The following ZNF804A variants were observed in gnomAD, a reference collection of about 807,000 sequenced individuals.
The protein encoded by ZNF804A is zinc finger protein 804A.
Under a neutral mutation model 16.5 loss-of-function variants are expected in ZNF804A, and 2 were observed. That is an observed-to-expected ratio of 0.12 (90% CI 0.05 to 0.38). The LOEUF (loss-of-function observed/expected upper bound fraction) is 0.38. ZNF804A is among the 10% of genes least tolerant of loss of function. The pLI is 0.99. For missense variants in ZNF804A, 1,473 were observed against 1,390.7 expected, an observed-to-expected ratio of 1.06 and a Z score of -0.94; for synonymous variants, 534 against 489.6, an observed-to-expected ratio of 1.09 and a Z score of -1.20.
chr2:184,784,225 C>T (rs1291305811), intron 1 of ZNF804A, among the ~76,000 whole-genome samples: 1 of 151,848 alleles, frequency 6.6e-6, no homozygotes, highest in African/African-American at 2.4e-5. Flanking sequence ...CAACTGATGG[C>T]TCTAAGATAA....
intron 1 of ZNF804A, among the ~76,000 whole-genome samples, chr2:184,628,882 C>T (rs987480449): frequency 1.3e-5 from 2 of 152,114 alleles, no homozygotes; most frequent in African/African-American, 4.8e-5. Context: ...GTTGGAGTTT[C>T]TGTGGTATTC....
At chr2:184,739,725 A>G (rs894755143) in intron 1 of ZNF804A, among the ~76,000 whole-genome samples, 3 of 152,132 alleles carry the variant, frequency 2.0e-5, no homozygotes, top group Admixed American at 6.6e-5. Flanking sequence ...AATGCAAAAT[A>G]CAGATATACA....
chr2:184,895,803 A>G (rs1685055730), intron 2 of ZNF804A, among the ~76,000 whole-genome samples: 2 of 152,224 alleles, frequency 1.3e-5, no homozygotes, highest in African/African-American at 4.8e-5. Flanking sequence ...CAGTAAATCT[A>G]AAATGTAGTC....
chr2:184,693,807 T>C (rs1414394646), intron 1 of ZNF804A, among the ~76,000 whole-genome samples: 1 of 152,022 alleles, frequency 6.6e-6, no homozygotes, highest in African/African-American at 2.4e-5. Flanking sequence ...CCATATAATG[T>C]CAGCTTGGCG....
intron 1 of ZNF804A, among the ~76,000 whole-genome samples, chr2:184,718,906 G>T (rs1383642742): frequency 6.6e-6 from 1 of 152,132 alleles, no homozygotes; most frequent in African/African-American, 2.4e-5. Context: ...CAAGCAGGCG[G>T]TGCCCCAGTG....
intron 1 of ZNF804A, among the ~76,000 whole-genome samples, chr2:184,752,314 T>C (rs1021839827): frequency 1.3e-5 from 2 of 151,600 alleles, no homozygotes; most frequent in East Asian, 1.9e-4. Flanking sequence ...AATAATAAAA[T>C]TATGTTCTTT....
chr2:184,842,512 A>ATT (rs879530358), intron 1 of ZNF804A, among the ~76,000 whole-genome samples: 1 of 148,748 alleles, frequency 6.7e-6, no homozygotes, highest in African/African-American at 2.5e-5. Flanking sequence ...TGGAGCTGGG[A>ATT]TTTTTTTTTT....
At chr2:184,667,505 G>T (rs1692271651) in intron 1 of ZNF804A, among the ~76,000 whole-genome samples, 1 of 151,754 alleles carries the variant, frequency 6.6e-6, no homozygotes, top group African/African-American at 2.4e-5. Context: ...GATCTACTAT[G>T]TCAAAGACAT....
At chr2:184,685,452 T>C (rs1446110608) in intron 1 of ZNF804A, among the ~76,000 whole-genome samples, 1 of 152,100 alleles carries the variant, frequency 6.6e-6, no homozygotes, top group African/African-American at 2.4e-5. Flanking sequence ...GTTACAGCTC[T>C]TTCAGTCCCC....
chr2:184,633,473 T>C (rs1183875395), intron 1 of ZNF804A, among the ~76,000 whole-genome samples: 1 of 152,190 alleles, frequency 6.6e-6, no homozygotes, highest in African/African-American at 2.4e-5. Flanking sequence ...TTAAATAAAC[T>C]GGACAAAGGA....
chr2:184,650,437 A>G (rs1691962498), intron 1 of ZNF804A, among the ~76,000 whole-genome samples: 1 of 152,154 alleles, frequency 6.6e-6, no homozygotes, highest in Admixed American at 6.6e-5. Flanking sequence ...CATATTCAGC[A>G]TGGTAGTGGA....
intron 1 of ZNF804A, among the ~76,000 whole-genome samples, chr2:184,684,181 G>T (rs1324499024): frequency 2.6e-5 from 4 of 152,304 alleles, no homozygotes; most frequent in East Asian, 1.9e-4. Context: ...TTGTGAGTTT[G>T]TACTGGATAC....
At chr2:184,886,954 A>T (rs1267090190) in intron 2 of ZNF804A, among the ~76,000 whole-genome samples, 1 of 152,214 alleles carries the variant, frequency 6.6e-6, no homozygotes, top group Non-Finnish European at 1.5e-5. Flanking sequence ...TTTGCTACTT[A>T]AACAAATTTC....
chr2:184,876,286 T>C (rs1362144408), intron 2 of ZNF804A, among the ~76,000 whole-genome samples: 5 of 152,188 alleles, frequency 3.3e-5, no homozygotes. Context: ...GTAATAGAAA[T>C]ATTCATTTGT....
intron 2 of ZNF804A, 26 bp from the exon 3 acceptor site, chr2:184,933,577 A>C (rs1281165486): frequency 6.4e-7 from 1 of 1,568,874 alleles, no homozygotes; most frequent in Admixed American, 2.2e-5. Flanking sequence ...AATACAATTA[A>C]TCATTTTCCA....
intron 1 of ZNF804A, among the ~76,000 whole-genome samples, chr2:184,747,442 G>T (rs1693807260): frequency 6.7e-6 from 1 of 149,604 alleles, no homozygotes; most frequent in Non-Finnish European, 1.5e-5. Flanking sequence ...AAACAAGTAT[G>T]ATTTTAATAT....
intron 3 of ZNF804A, among the ~76,000 whole-genome samples, chr2:184,934,756 A>T (rs946782771): frequency 6.6e-6 from 1 of 152,122 alleles, no homozygotes; most frequent in African/African-American, 2.4e-5. Context: ...AAAAAGCAAT[A>T]CTGTTTATTT....
chr2:184,906,820 AT>A (rs1685281779), intron 2 of ZNF804A, among the ~76,000 whole-genome samples: 1 of 152,206 alleles, frequency 6.6e-6, no homozygotes, highest in Admixed American at 6.5e-5. Flanking sequence ...CTCTTTAAAA[AT>A]GTGGAGTTTT....
At chr2:184,718,908 GC>G (rs902588864) in intron 1 of ZNF804A, among the ~76,000 whole-genome samples, 2 of 152,088 alleles carry the variant, frequency 1.3e-5, no homozygotes, top group Non-Finnish European at 2.9e-5. Context: ...AGCAGGCGGT[GC>G]CCCAGTGGGG....
Sources: gnomAD v4.1 joint callset for allele counts (sites outside exome capture counted in the v4.1 genomes callset) on GRCh38, gnomAD v4.1.1 for gene constraint, MANE v1.5 for transcripts, NCBI Gene and HGNC (gene_info 2026-07-23, HGNC 2026-07-21) for gene names.